Variants in SHC3 observed in about 807,000 individuals in gnomAD.
SHC3 encodes SHC-transforming protein 3.
SHC3 carries 15 observed loss-of-function variants against 60.4 expected under a neutral mutation model. The ratio of observed to expected loss-of-function variants is 0.25; its 90% confidence interval spans 0.17 to 0.38. The LOEUF is 0.38. Among genes scored for constraint, SHC3 ranks in the 10% least tolerant of loss-of-function variants. SHC3 has a pLI of 1.00. For missense variants in SHC3, 677 were observed against 786.1 expected, an observed-to-expected ratio of 0.86 and a Z score of 1.66; for synonymous variants, 294 against 325.9, an observed-to-expected ratio of 0.90 and a Z score of 1.05.
intron 10 of SHC3, among the ~76,000 whole-genome samples, chr9:89,038,519 T>C (rs1400897497): frequency 6.6e-6 from 1 of 152,200 alleles, no homozygotes; most frequent in Non-Finnish European, 1.5e-5. Context: ...ATGAGTCTGC[T>C]TTCCCAAGAC....
intron 11 of SHC3, among the ~76,000 whole-genome samples, chr9:89,022,431 G>A (rs534924319): frequency 5.9e-5 from 9 of 152,244 alleles, no homozygotes; most frequent in African/African-American, 2.2e-4. Context: ...CGTGGCAACC[G>A]TGGGACGTAC....
intron 10 of SHC3, among the ~76,000 whole-genome samples, chr9:89,040,034 C>T (rs1021777323): frequency 2.1e-5 from 3 of 145,974 alleles, no homozygotes; most frequent in African/African-American, 7.6e-5. Context: ...ATCGGCATCA[C>T]CACCATCTCA....
chr9:89,129,574 C>T (rs1237428002), intron 1 of SHC3, among the ~76,000 whole-genome samples: 3 of 152,172 alleles, frequency 2.0e-5, no homozygotes, highest in African/African-American at 7.2e-5. Context: ...AGAAACTCTA[C>T]AAGCCAGAAG....
Position 89,058,335 on chromosome 9 carries a change from C to T in SHC3, c.836-6172G>A, listed in dbSNP as rs940872034. 3.7e-5 allele frequency among the ~76,000 whole-genome samples: 5 copies of T among 133,690 alleles called. No homozygotes were observed. The East Asian group carries it at 6.8e-4, about 18-fold the overall frequency. 87.7% of individuals were successfully genotyped at this position (133,690 alleles called of 152,430 possible). ...TGGTGGTGGAGGACATGGTGGAGGA[C>T]GGTGGTAGAGGATGGTGGCGTAGGA... On this transcript the variant is annotated intron_variant, in intron 6 of 11. Transcript: ENST00000375835.
At chr9:89,021,845 GATAT>G (rs1382092965) in intron 11 of SHC3, among the ~76,000 whole-genome samples, 1 of 152,154 alleles carries the variant, frequency 6.6e-6, no homozygotes, top group Non-Finnish European at 1.5e-5. Context: ...GGATACCCAG[GATAT>G]ATGACTTGGG....
chr9:89,050,139 G>C (rs1824838859), intron 7 of SHC3, among the ~76,000 whole-genome samples: 1 of 152,174 alleles, frequency 6.6e-6, no homozygotes, highest in African/African-American at 2.4e-5. Context: ...AGTTCTTTGT[G>C]TATATTGGAA....
intron 5 of SHC3, among the ~76,000 whole-genome samples, chr9:89,068,669 A>T (rs4877048): frequency 0.55 from 83,497 of 150,658 alleles, 23,757 homozygotes; most frequent in East Asian, 0.95. Context: ...AATTTTTTTT[A>T]AAAAAAAATA....
At chr9:89,074,691 C>CAAAAAAAAAAAAAAAAAAAAAAA (rs68051828) in intron 4 of SHC3, among the ~76,000 whole-genome samples, 4 of 59,926 alleles carry the variant, frequency 6.7e-5, no homozygotes, top group Non-Finnish European at 1.2e-4. Flanking sequence ...GCCACTAAAG[C>CAAAAAAAAAAAAAAAAAAAAAAA]AAAAAAAAAA....
At chr9:89,153,228 T>C (rs146662555) in intron 1 of SHC3, among the ~76,000 whole-genome samples, 58 of 152,358 alleles carry the variant, frequency 3.8e-4, no homozygotes, top group African/African-American at 1.4e-3. Flanking sequence ...TGTATGTTCA[T>C]TGCAGAAAAT....
intron 11 of SHC3, among the ~76,000 whole-genome samples, chr9:89,018,131 C>T (rs1826127567): frequency 6.6e-6 from 1 of 152,188 alleles, no homozygotes; most frequent in African/African-American, 2.4e-5. Context: ...CCCAGCAATT[C>T]CATTACTGGG....
chr9:89,131,462 G>T (rs1012272172), intron 1 of SHC3, among the ~76,000 whole-genome samples: 2 of 152,084 alleles, frequency 1.3e-5, no homozygotes, highest in African/African-American at 4.8e-5. Context: ...CAAAGAAAGA[G>T]AATTTTAGAC....
chr9:89,007,270 A>G lies in SHC3; in HGVS notation c.*6177T>C, dbSNP rs1008282550. On this transcript the variant is annotated 3_prime_UTR_variant, in exon 12 of 12. Transcript: ENST00000375835. ...CTTCCACACTCTTCTCCGTGCCACT[A>G]ACACTCAGTATCTGACGCCTGCAGT... 1 of 152,296 alleles carries G rather than the reference A, an allele frequency of 6.6e-6. No individual in the cohort carries two copies. The highest frequency in any genetic ancestry group is 1.5e-5 in the Non-Finnish European group (1 of 68,122). The allele number at this position is 152,296 out of a possible 1,614,324, so 9.4% of individuals were successfully genotyped here.
chr9:89,150,182 AG>A (rs765625433), intron 1 of SHC3, among the ~76,000 whole-genome samples: 39 of 152,344 alleles, frequency 2.6e-4, no homozygotes, highest in Middle Eastern at 3.4e-3. Flanking sequence ...GAAAAATCAT[AG>A]CACGTATGGG....
chr9:89,138,755 C>T lies in SHC3; in HGVS notation c.475-26129G>A, dbSNP rs764579853. ...AGAGAACCCTTAATCCTAAGGGTTG[C>T]GGAGGGATAAAGATCCATCTTCTGT... On this transcript the variant is annotated intron_variant, in intron 1 of 11. Coordinates refer to ENST00000375835, the MANE Select transcript of SHC3 (RefSeq NM_016848.6). 3.4e-4 allele frequency among the ~76,000 whole-genome samples: 51 copies of T among 152,012 alleles called. 1 individual carries two copies. Among genetic ancestry groups the T allele is most frequent in the Admixed American group, 1.8e-3 (27 of 15,248 alleles).
At chr9:89,055,386 C>T (rs984938540) in intron 6 of SHC3, among the ~76,000 whole-genome samples, 8 of 152,240 alleles carry the variant, frequency 5.3e-5, no homozygotes, top group Non-Finnish European at 1.2e-4. Flanking sequence ...CAACACCCTA[C>T]CTGTGACACC....
intron 5 of SHC3, 91 bp from the exon 6 acceptor site, chr9:89,065,671 A>G (rs1274588986): frequency 3.9e-6 from 5 of 1,268,124 alleles, no homozygotes; most frequent in Non-Finnish European, 4.6e-6. Context: ...TGAGCTTAGA[A>G]GGACTCAACC....
intron 7 of SHC3, among the ~76,000 whole-genome samples, chr9:89,048,117 A>G (rs1232655708): frequency 6.6e-6 from 1 of 151,916 alleles, no homozygotes; most frequent in East Asian, 1.9e-4. Flanking sequence ...GGTGGCACAC[A>G]CCTGTAGTTC....
chr9:89,048,557 G>C (rs547444843), intron 7 of SHC3, among the ~76,000 whole-genome samples: 1 of 152,124 alleles, frequency 6.6e-6, no homozygotes, highest in Non-Finnish European at 1.5e-5. Context: ...AGTTTCTTTG[G>C]GGGGTAATGA....
At chr9:89,160,994 G>A (rs1368218149) in intron 1 of SHC3, among the ~76,000 whole-genome samples, 2 of 152,206 alleles carry the variant, frequency 1.3e-5, no homozygotes, top group African/African-American at 4.8e-5. Context: ...CTGTTGATCA[G>A]GCACATCCCC....
Sources: gnomAD v4.1 joint callset for allele counts (sites outside exome capture counted in the v4.1 genomes callset) on GRCh38, gnomAD v4.1.1 for gene constraint, MANE v1.5 for transcripts, NCBI Gene and HGNC (gene_info 2026-07-23, HGNC 2026-07-21) for gene names.